Variants in CXADR observed in about 807,000 individuals in gnomAD.
CXADR encodes the protein coxsackievirus and adenovirus receptor.
A neutral mutation model predicts 40.3 loss-of-function variants in CXADR; 20 were observed. That is an observed-to-expected ratio of 0.50 (90% CI 0.35 to 0.72). CXADR has a LOEUF of 0.72. Among genes scored for constraint, CXADR ranks in the 30% least tolerant of loss-of-function variants. The pLI, the probability that CXADR is intolerant of heterozygous loss-of-function variation, is 0.01. For missense variants in CXADR, 332 were observed against 449.1 expected (o/e 0.74, Z 2.36); for synonymous variants, 150 against 161.3 (o/e 0.93, Z 0.53).
the CXADR span, among the ~76,000 whole-genome samples, chr21:17,618,744 CCA>C: frequency 1.3e-5 from 2 of 152,118 alleles, no homozygotes; most frequent in Non-Finnish European, 2.9e-5. Flanking sequence ...ACCATGTTAG[CCA>C]GGCTGGTCTC....
the CXADR span, among the ~76,000 whole-genome samples, chr21:17,624,862 C>G: frequency 6.6e-6 from 1 of 152,148 alleles, no homozygotes; most frequent in Non-Finnish European, 1.5e-5. Flanking sequence ...GCTCATTACA[C>G]AGCAGGTCCT....
chr21:17,575,807 G>A (rs1047697656), intron 7 of CXADR, among the ~76,000 whole-genome samples: 1 of 151,462 alleles, frequency 6.6e-6, no homozygotes, highest in South Asian at 2.1e-4. Context: ...ATGATTTTAG[G>A]CTGGGCGCAG....
intron 1 of CXADR, among the ~76,000 whole-genome samples, chr21:17,535,271 C>T (rs2060740455): frequency 6.6e-6 from 1 of 152,058 alleles, no homozygotes; most frequent in Non-Finnish European, 1.5e-5. Flanking sequence ...GGACCACAGG[C>T]GTGCACTACC....
At chr21:17,581,396 T>C (rs1654287955) in intron 7 of CXADR, among the ~76,000 whole-genome samples, 2 of 152,220 alleles carry the variant, frequency 1.3e-5, no homozygotes, top group Non-Finnish European at 2.9e-5. Context: ...CAGCTTATGC[T>C]TTCAATATAT....
Position 17,569,223 on chromosome 21 carries a change from T to G in CXADR, c.*3531T>G, listed in dbSNP as rs549274795. On this transcript the variant is annotated 3_prime_UTR_variant, in exon 7 of 7. Transcript: ENST00000284878. ...TTCTAATTTTCACTTCAGCAGTGTTTAGGGCTTTCAGATGCCTTATTCCAG... is the reference window on the plus strand; with the variant it reads ...TTCTAATTTTCACTTCAGCAGTGTTGAGGGCTTTCAGATGCCTTATTCCAG... The G allele has an allele frequency of 8.1e-6, 8 of 985,312 alleles. No homozygotes were observed. Among genetic ancestry groups the G allele is most frequent in the Admixed American group, 1.2e-4 (2 of 16,260 alleles). 61.0% of individuals were successfully genotyped at this position (985,312 alleles called of 1,614,324 possible).
chr21:17,546,824 G>T (rs1226121702), intron 1 of CXADR, among the ~76,000 whole-genome samples: 1 of 152,158 alleles, frequency 6.6e-6, no homozygotes, highest in African/African-American at 2.4e-5. Flanking sequence ...TATCAAATAA[G>T]ATGATACTAC....
At chr21:17,545,468 C>CTTTGTGG (rs2060884558) in intron 1 of CXADR, among the ~76,000 whole-genome samples, 2 of 151,822 alleles carry the variant, frequency 1.3e-5, no homozygotes, top group African/African-American at 2.4e-5. Flanking sequence ...GCTTTGTCAC[C>CTTTGTGG]CAGGCTGGAG....
chr21:17,575,348 A>T (rs1218612838), intron 7 of CXADR, among the ~76,000 whole-genome samples: 2 of 148,514 alleles, frequency 1.3e-5, no homozygotes, highest in Admixed American at 6.7e-5. Flanking sequence ...TGCCTGGCTA[A>T]TTTTTTTGAT....
the CXADR span, among the ~76,000 whole-genome samples, chr21:17,610,726 C>T: frequency 6.6e-6 from 1 of 152,134 alleles, no homozygotes; most frequent in African/African-American, 2.4e-5. Context: ...GAGCCAATTA[C>T]GTATTAAAAA....
chr21:17,581,869 T>G (rs1468697514), intron 7 of CXADR, among the ~76,000 whole-genome samples: 2 of 151,828 alleles, frequency 1.3e-5, no homozygotes, highest in Non-Finnish European at 2.9e-5. Context: ...AAATTATATT[T>G]TTGAGAATTC....
At chr21:17,530,114 A>ATTTTTTTTTTTTTTTTT (rs56341807) in intron 1 of CXADR, among the ~76,000 whole-genome samples, 48 of 94,952 alleles carry the variant, frequency 5.1e-4, no homozygotes, top group East Asian at 6.8e-4. Context: ...ATGCCAGGCT[A>ATTTTTTTTTTTTTTTTT]TTTTTTTTTT....
At chr21:17,554,449 G>T (rs2061008909) in intron 3 of CXADR, among the ~76,000 whole-genome samples, 1 of 152,160 alleles carries the variant, frequency 6.6e-6, no homozygotes, top group African/African-American at 2.4e-5. Flanking sequence ...TACTCCTGGG[G>T]AGAATTTTAT....
intron 1 of CXADR, 50 bp from the exon 2 acceptor site, chr21:17,546,977 G>A: frequency 6.3e-7 from 1 of 1,597,920 alleles, no homozygotes; most frequent in Non-Finnish European, 8.5e-7. Context: ...CACTGTGTGG[G>A]CTGTCAGCGT....
intron 1 of CXADR, among the ~76,000 whole-genome samples, chr21:17,531,551 C>T (rs772461376): frequency 2.6e-5 from 4 of 152,190 alleles, no homozygotes; most frequent in Admixed American, 2.0e-4. Flanking sequence ...TTTTCTGCTG[C>T]TCTGTTGACT....
Position 17,566,803 on chromosome 21 carries a change from A to C in CXADR, c.*1111A>C. ...AATCAAATACATTTTAAGCAAGTTA[A>C]GTGTCCTCCATCAATTCTGTATTCC... is the stretch of plus-strand genomic sequence containing the variant. On this transcript the variant is annotated 3_prime_UTR_variant, in exon 7 of 7. Transcript: ENST00000284878. 7.3e-6 allele frequency: 7 copies of C among 965,516 alleles called. No individual in the cohort carries two copies. Among genetic ancestry groups the C allele is most frequent in the Non-Finnish European group, 8.6e-6 (7 of 811,884 alleles). The allele number at this position is 965,516 out of a possible 1,614,324, so 59.8% of individuals were successfully genotyped here.
At chr21:17,617,426 G>A in the CXADR span, among the ~76,000 whole-genome samples, 4 of 152,200 alleles carry the variant, frequency 2.6e-5, no homozygotes, top group South Asian at 2.1e-4. Context: ...CTGCCGAAGC[G>A]AGCACAACTC....
chr21:17,587,502 AT>A (rs1353737394), intron 7 of CXADR, among the ~76,000 whole-genome samples: 2 of 152,030 alleles, frequency 1.3e-5, no homozygotes, highest in East Asian at 1.9e-4. Flanking sequence ...GATGATGAGC[AT>A]TTTTTCATGT....
the CXADR span, among the ~76,000 whole-genome samples, chr21:17,628,103 C>T: frequency 1.3e-5 from 2 of 152,134 alleles, no homozygotes; most frequent in African/African-American, 2.4e-5. Flanking sequence ...ATTATAAAAG[C>T]ACCATTTCAT....
chr21:17,616,594 T>C, the CXADR span, among the ~76,000 whole-genome samples: 2 of 152,032 alleles, frequency 1.3e-5, no homozygotes, highest in East Asian at 3.9e-4. Flanking sequence ...ACAGTCACTT[T>C]TATAATGGAC....
Sources: allele counts gnomAD v4.1 joint callset (sites outside exome capture counted in the v4.1 genomes callset), GRCh38; gene constraint gnomAD v4.1.1; transcripts MANE v1.5; gene names NCBI Gene and HGNC (gene_info 2026-07-23, HGNC 2026-07-21).